ZNF141: variants seen among roughly 807,000 people sequenced by gnomAD.
The protein encoded by ZNF141 is zinc finger protein 141 (clone pHZ-44).
ZNF141 carries 7 observed loss-of-function variants against 11.3 expected under a neutral mutation model. The ratio of observed to expected loss-of-function variants is 0.62; its 90% CI spans 0.35 to 1.16. The LOEUF is 1.16. Among genes scored for constraint, ZNF141 ranks in the 50% most tolerant of loss-of-function variants. ZNF141 has a pLI of 0.02. For missense variants in ZNF141, 535 were observed against 554.0 expected, an observed-to-expected ratio of 0.97 and a Z score of 0.34; for synonymous variants, 183 against 190.7, an observed-to-expected ratio of 0.96 and a Z score of 0.33.
At position 382,952 on chromosome 4, in the gene ZNF141, A is replaced by C; in HGVS notation, c.*9090A>C. 2 of 496,644 alleles carry C rather than the reference A, an allele frequency of 4.0e-6. No homozygotes were observed. The highest frequency in any genetic ancestry group is 7.1e-6 in the Non-Finnish European group (2 of 282,004). 30.8% of individuals were successfully genotyped at this position (496,644 alleles called of 1,614,324 possible). ...TTTCTTATTGTATTCATGTCCTTGG[A>C]AATGGCTTTTATAGTCGTTCCTATC... is the stretch of plus-strand genomic sequence containing the variant. On this transcript the variant is annotated 3_prime_UTR_variant, in exon 4 of 4. Transcript: ENST00000240499.
Position 340,879 on chromosome 4 carries a change from A to T in ZNF141, c.3+2893A>T, listed in dbSNP as rs181322091. Among the ~76,000 whole-genome samples the T allele has an allele frequency of 2.9e-4, 44 of 152,282 alleles. 1 individual carries two copies. Among genetic ancestry groups the T allele is most frequent in the African/African-American group, 1.0e-3 (42 of 41,558 alleles). ...TTCTATAAACCAATAAGAATTTCTG[A>T]CAGCTTTCTATCAGTTCCGTCTGCC... On this transcript the variant is annotated intron_variant, in intron 1 of 3. Coordinates refer to ENST00000240499, the MANE Select transcript of ZNF141 (RefSeq NM_003441.4).
intron 3 of ZNF141, among the ~76,000 whole-genome samples, chr4:348,488 G>A (rs1429695543): frequency 3.9e-5 from 6 of 152,140 alleles, no homozygotes; most frequent in East Asian, 1.9e-4. Flanking sequence ...CGAGGTGGGC[G>A]GATCACTTGA....
In ZNF141 at chr4:374,164, C is replaced by A; in HGVS notation, c.*302C>A. The A allele has an allele frequency of 2.6e-6, 1 of 392,152 alleles. No individual in the cohort carries two copies. The highest frequency in any genetic ancestry group is 3.0e-5 in the South Asian group (1 of 33,322). 24.3% of individuals were successfully genotyped at this position (392,152 alleles called of 1,614,324 possible). The stretch of plus-strand genomic sequence containing the variant: ...TGTAACAAAACCTTTAAACAGCCCT[C>A]ACCGGTGAATAAACATAAGAAAAAT... On this transcript the variant is annotated 3_prime_UTR_variant, in exon 4 of 4. Transcript: ENST00000240499.
intron 1 of ZNF141, among the ~76,000 whole-genome samples, chr4:339,877 G>A (rs1553848160): frequency 1.3e-5 from 2 of 152,170 alleles, no homozygotes; most frequent in African/African-American, 4.8e-5. Flanking sequence ...CTGAAGCTGT[G>A]GGAAGTTTAT....
chr4:346,895 CG>C (rs782785911), intron 3 of ZNF141, among the ~76,000 whole-genome samples: 7,206 of 102,266 alleles, frequency 0.07, 516 homozygotes, highest in African/African-American at 0.11. Context: ...ACACACACAC[CG>C]CCCCCCCCAT....
intron 3 of ZNF141, among the ~76,000 whole-genome samples, chr4:357,663 T>C (rs1237045239): frequency 1.3e-5 from 2 of 151,780 alleles, no homozygotes; most frequent in African/African-American, 2.4e-5. Context: ...AATTATGCAG[T>C]GTGGGACCCA....
At chr4:357,640 C>T (rs1721905108) in intron 3 of ZNF141, among the ~76,000 whole-genome samples, 1 of 151,680 alleles carries the variant, frequency 6.6e-6, no homozygotes, top group Admixed American at 6.6e-5. Flanking sequence ...AAGAGATGTA[C>T]ATTCCTACAG....
chr4:355,065 A>G (rs1721780100), intron 3 of ZNF141, among the ~76,000 whole-genome samples: 1 of 151,950 alleles, frequency 6.6e-6, no homozygotes, highest in Admixed American at 6.6e-5. Flanking sequence ...ATGTTTATAT[A>G]TTTGTGTGCT....
intron 3 of ZNF141, among the ~76,000 whole-genome samples, chr4:356,607 C>T (rs1179900980): frequency 3.3e-5 from 5 of 152,102 alleles, no homozygotes; most frequent in South Asian, 2.1e-4. Context: ...CCACCGCACC[C>T]GACCAAGGCC....
chr4:341,264 T>C (rs1416643029), intron 1 of ZNF141, among the ~76,000 whole-genome samples: 1 of 151,984 alleles, frequency 6.6e-6, no homozygotes, highest in Non-Finnish European at 1.5e-5. Flanking sequence ...GGTTTCACCA[T>C]ATTGGCCAGG....
rs192519289 is a variant in ZNF141, at chr4:343,433, T to G, written c.4-349T>G. ...TTTCACCTGTAGTCAAATTAAGAAC[T>G]ATGTCCCTTCGGCTGGGCGCAGTGG... is the stretch of plus-strand genomic sequence containing the variant. On this transcript the variant is annotated intron_variant, in intron 1 of 3. Transcript: ENST00000240499. Among the ~76,000 whole-genome samples, 28 of 152,216 alleles carry G rather than the reference T, an allele frequency of 1.8e-4. No homozygotes were observed. The East Asian group carries it at 5.0e-3, about 27-fold the overall frequency.
chr4:384,138 A>C lies in ZNF141; in HGVS notation c.*10276A>C, dbSNP rs1712803920. On this transcript the variant is annotated 3_prime_UTR_variant, in exon 4 of 4. Coordinates refer to ENST00000240499, the MANE Select transcript of ZNF141 (RefSeq NM_003441.4). ...AAACTCACACAGTGCCCCATACCAC[A>C]GGAGAAAAACACACAGTTCCAGCCT... The C allele has an allele frequency of 6.6e-6, 1 of 152,262 alleles. No individual in the cohort carries two copies. The highest frequency in any genetic ancestry group is 2.4e-5 in the African/African-American group (1 of 41,470). The allele number at this position is 152,262 out of a possible 1,614,324, so 9.4% of individuals were successfully genotyped here. A position where few individuals can be genotyped will look rare whatever the true frequency, so the allele number is the denominator to read the frequency against.
At chr4:338,026 C>A in intron 1 of ZNF141, 40 bp downstream of exon 1, 1 of 1,611,812 alleles carries the variant, frequency 6.2e-7, no homozygotes, top group Non-Finnish European at 8.5e-7. Context: ...CTGAGGAGGT[C>A]TCATCGGAGC....
Position 383,933 on chromosome 4 carries a change from A to G in ZNF141, c.*10071A>G, listed in dbSNP as rs182592252. On this transcript the variant is annotated 3_prime_UTR_variant, in exon 4 of 4. Coordinates refer to ENST00000240499, the MANE Select transcript of ZNF141 (RefSeq NM_003441.4). Reference sequence around the variant, plus strand: ...TTGCTGGGGCTCACACCCACCCTGTAGAGTGCTTTCTCACTTTAATAAAAT... The same window carrying G: ...TTGCTGGGGCTCACACCCACCCTGTGGAGTGCTTTCTCACTTTAATAAAAT... 4.6e-5 allele frequency: 7 copies of G among 152,406 alleles called. No individual in the cohort carries two copies. Among genetic ancestry groups the G allele is most frequent in the African/African-American group, 1.2e-4 (5 of 41,596 alleles). The allele number at this position is 152,406 out of a possible 1,614,324, so 9.4% of individuals were successfully genotyped here.
At chr4:362,743 G>C (rs1415883266) in intron 3 of ZNF141, among the ~76,000 whole-genome samples, 1 of 152,148 alleles carries the variant, frequency 6.6e-6, no homozygotes, top group African/African-American at 2.4e-5. Context: ...CTATATCTCT[G>C]TTTTGGTACC....
At chr4:372,143 T>C (rs1553853657) in intron 3 of ZNF141, among the ~76,000 whole-genome samples, 1 of 152,244 alleles carries the variant, frequency 6.6e-6, no homozygotes, top group Non-Finnish European at 1.5e-5. Flanking sequence ...TATTTAGCAC[T>C]GCAGTCTGCT....
chr4:352,892 C>T (rs1246531733), intron 3 of ZNF141, among the ~76,000 whole-genome samples: 2 of 152,086 alleles, frequency 1.3e-5, no homozygotes, highest in South Asian at 2.1e-4. Flanking sequence ...GTCAGTTGCT[C>T]AGAAGTGTAG....
At chr4:366,268 A>G (rs1190723092) in intron 3 of ZNF141, among the ~76,000 whole-genome samples, 1 of 152,098 alleles carries the variant, frequency 6.6e-6, no homozygotes, top group Non-Finnish European at 1.5e-5. Flanking sequence ...GAGGAAAAAT[A>G]TCTTTCAATT....
intron 3 of ZNF141, among the ~76,000 whole-genome samples, chr4:353,462 TA>T (rs1284092675): frequency 3.6e-4 from 42 of 117,432 alleles, no homozygotes; most frequent in Middle Eastern, 9.0e-3. Context: ...TTATTATTAT[TA>T]TTATTTTTTT....
Sources: allele counts gnomAD v4.1 joint callset (sites outside exome capture counted in the v4.1 genomes callset), GRCh38; gene constraint gnomAD v4.1.1; transcripts MANE v1.5; gene names NCBI Gene and HGNC (gene_info 2026-07-23, HGNC 2026-07-21).